CDH13: variants seen among roughly 807,000 people sequenced by gnomAD.
The protein encoded by CDH13 is cadherin-13.
A neutral mutation model predicts 63.8 loss-of-function variants in CDH13; 24 were observed. That is an observed-to-expected ratio of 0.38 (90% CI 0.27 to 0.53). The LOEUF is 0.53. Ranked by LOEUF, CDH13 falls within the 20% of genes least tolerant of loss-of-function variation. The pLI, the probability that CDH13 is intolerant of heterozygous loss-of-function variation, is 0.85. For synonymous variants in CDH13, 503 were observed against 355.3 expected (o/e 1.42, Z -4.67); for missense variants, 1,049 against 903.1 (o/e 1.16, Z -2.07).
At chr16:83,417,960 G>A (rs941368392) in intron 6 of CDH13, among the ~76,000 whole-genome samples, 7 of 151,496 alleles carry the variant, frequency 4.6e-5, no homozygotes, top group Non-Finnish European at 7.4e-5. Context: ...CCCTTAACAT[G>A]GAAAACTCCT....
At chr16:83,702,449 A>G (rs977849463) in intron 10 of CDH13, among the ~76,000 whole-genome samples, 1 of 152,134 alleles carries the variant, frequency 6.6e-6, no homozygotes, top group African/African-American at 2.4e-5. Context: ...TGTAGCCTCC[A>G]GGGTTGCTGT....
Position 83,042,359 on chromosome 16 carries a change from T to C in CDH13, c.366+10141T>C, listed in dbSNP as rs553033564. On this transcript the variant is annotated intron_variant, in intron 3 of 13. Transcript: ENST00000567109. ...ATTCTCATAGGAGTGTGAACCCTAT[T>C]GTAAATTGCACATGCAAGAGATCTA... is the stretch of plus-strand genomic sequence containing the variant. Among the ~76,000 whole-genome samples, 8 of 152,304 alleles carry C rather than the reference T, an allele frequency of 5.3e-5. No individual in the cohort carries two copies. The South Asian group carries it at 1.2e-3, about 24-fold the overall frequency.
intron 3 of CDH13, among the ~76,000 whole-genome samples, chr16:83,053,241 T>C (rs535055319): frequency 6.6e-6 from 1 of 152,316 alleles, no homozygotes; most frequent in Admixed American, 6.5e-5. Flanking sequence ...TGGAGAGTTC[T>C]GGCTTTAGCT....
At chr16:82,802,743 C>A (rs1451440247) in intron 1 of CDH13, among the ~76,000 whole-genome samples, 3 of 150,524 alleles carry the variant, frequency 2.0e-5, no homozygotes, top group Non-Finnish European at 3.0e-5. Context: ...GAAAAGTGAA[C>A]AGCAACCCTT....
intron 11 of CDH13, among the ~76,000 whole-genome samples, chr16:83,768,499 C>T (rs1914548907): frequency 6.6e-6 from 1 of 152,104 alleles, no homozygotes; most frequent in Admixed American, 6.5e-5. Flanking sequence ...TGATCCAGAC[C>T]CCAAGAGAGG....
chr16:83,350,557 ATT>A (rs67418639), intron 6 of CDH13, among the ~76,000 whole-genome samples: 94 of 151,664 alleles, frequency 6.2e-4, no homozygotes, highest in African/African-American at 2.1e-3. Flanking sequence ...AGTCCCTTTA[ATT>A]TTTTTTTCCA....
rs560656003 is a variant in CDH13, at chr16:82,856,203, C to T, written c.46-2159C>T. On this transcript the variant is annotated intron_variant, in intron 1 of 13. Coordinates refer to ENST00000567109, the MANE Select transcript of CDH13 (RefSeq NM_001257.5). The stretch of plus-strand genomic sequence containing the variant: ...CATCCTGGCGAACACTGTGAAACCC[C>T]GTCTCTACTAAAAATAGAAAAAATT... Among the ~76,000 whole-genome samples, 7 of 151,702 alleles carry T rather than the reference C, an allele frequency of 4.6e-5. No homozygotes were observed. The East Asian group carries it at 5.9e-4, about 13-fold the overall frequency.
chr16:83,410,374 C>T (rs979542988), intron 6 of CDH13, among the ~76,000 whole-genome samples: 6 of 152,218 alleles, frequency 3.9e-5, no homozygotes, highest in Middle Eastern at 6.8e-3. Context: ...AATTTCCTTC[C>T]ATCTTCTAAA....
At chr16:82,645,393 C>G (rs1909971476) in intron 1 of CDH13, among the ~76,000 whole-genome samples, 1 of 152,134 alleles carries the variant, frequency 6.6e-6, no homozygotes, top group Non-Finnish European at 1.5e-5. Context: ...GAAGTGTAGT[C>G]TAAACCGTTG....
chr16:83,196,221 G>A (rs771237050), intron 4 of CDH13, among the ~76,000 whole-genome samples: 10 of 151,724 alleles, frequency 6.6e-5, no homozygotes, highest in East Asian at 1.9e-4. Context: ...ACGCCATTGC[G>A]CTCCAGCCTG....
intron 1 of CDH13, among the ~76,000 whole-genome samples, chr16:82,658,785 G>A (rs1911592857): frequency 6.6e-6 from 1 of 152,154 alleles, no homozygotes; most frequent in East Asian, 1.9e-4. Context: ...TATTCTCAGT[G>A]CCTGGTACAA....
chr16:83,148,186 C>T (rs1207588349), intron 4 of CDH13, among the ~76,000 whole-genome samples: 1 of 152,182 alleles, frequency 6.6e-6, no homozygotes, highest in African/African-American at 2.4e-5. Flanking sequence ...GATCCACCCG[C>T]CTCAGCTTCC....
chr16:82,800,559 A>C (rs1197106733), intron 1 of CDH13, among the ~76,000 whole-genome samples: 1 of 152,192 alleles, frequency 6.6e-6, no homozygotes, highest in Non-Finnish European at 1.5e-5. Context: ...CACATTAACA[A>C]AGGGCTCATA....
chr16:83,696,267 G>T (rs1399058827), intron 10 of CDH13, among the ~76,000 whole-genome samples: 1 of 152,130 alleles, frequency 6.6e-6, no homozygotes. Context: ...AAAAAGTCAT[G>T]CTCAGTAGAG....
At chr16:83,127,905 T>C (rs1271525785) in intron 4 of CDH13, among the ~76,000 whole-genome samples, 1 of 152,198 alleles carries the variant, frequency 6.6e-6, no homozygotes, top group Non-Finnish European at 1.5e-5. Flanking sequence ...AGAGCTGCTC[T>C]AAAGGGATAG....
chr16:83,469,994 T>G (rs1470870815), intron 6 of CDH13, among the ~76,000 whole-genome samples: 6 of 152,222 alleles, frequency 3.9e-5, no homozygotes, highest in African/African-American at 1.4e-4. Context: ...TAAATTTCTT[T>G]TACTTGGCCG....
intron 1 of CDH13, among the ~76,000 whole-genome samples, chr16:82,848,061 T>C (rs2039337176): frequency 6.6e-6 from 1 of 152,232 alleles, no homozygotes; most frequent in Non-Finnish European, 1.5e-5. Context: ...TAGTCTTTGG[T>C]ATGTTCAAAG....
At chr16:83,497,894 T>A (rs1372426611) in intron 7 of CDH13, among the ~76,000 whole-genome samples, 1 of 152,168 alleles carries the variant, frequency 6.6e-6, no homozygotes, top group East Asian at 1.9e-4. Context: ...AATCATCACC[T>A]TGAAGTTTGA....
chr16:82,708,238 C>G (rs534758109), intron 1 of CDH13, among the ~76,000 whole-genome samples: 1 of 152,206 alleles, frequency 6.6e-6, no homozygotes, highest in South Asian at 2.1e-4. Context: ...AGTGACGCTG[C>G]GAAATCTAGC....
Sources: gnomAD v4.1 joint callset for allele counts (sites outside exome capture counted in the v4.1 genomes callset) on GRCh38, gnomAD v4.1.1 for gene constraint, MANE v1.5 for transcripts, NCBI Gene and HGNC (gene_info 2026-07-23, HGNC 2026-07-21) for gene names.